The following SNTB1 variants were observed in gnomAD, a reference collection of about 807,000 sequenced individuals.
SNTB1 encodes beta-1-syntrophin.
Under a neutral mutation model 48.9 loss-of-function variants are expected in SNTB1, and 36 were observed. The observed-to-expected ratio is 0.74, with a 90% confidence interval of 0.56 to 0.97. The LOEUF (loss-of-function observed/expected upper bound fraction) is 0.97. SNTB1 is among the 50% of genes least tolerant of loss of function. The pLI, the probability that SNTB1 is intolerant of heterozygous loss-of-function variation, is 0.00. For missense variants in SNTB1, 786 were observed against 703.4 expected (o/e 1.12, Z -1.33); for synonymous variants, 299 against 294.6 (o/e 1.01, Z -0.15).
At chr8:120,593,325 C>T (rs183150993) in intron 3 of SNTB1, among the ~76,000 whole-genome samples, 1 of 152,320 alleles carries the variant, frequency 6.6e-6, no homozygotes, top group Non-Finnish European at 1.5e-5. Flanking sequence ...GTGGCAGCCT[C>T]GCATGCTCAC....
chr8:120,800,179 G>C (rs953056405), intron 1 of SNTB1, among the ~76,000 whole-genome samples: 1 of 152,042 alleles, frequency 6.6e-6, no homozygotes, highest in Non-Finnish European at 1.5e-5. Context: ...CATAGGTTAA[G>C]AGTCATGGCT....
At chr8:120,560,890 T>C (rs138342169) in intron 4 of SNTB1, among the ~76,000 whole-genome samples, 64 of 152,338 alleles carry the variant, frequency 4.2e-4, no homozygotes, top group African/African-American at 4.6e-4. Flanking sequence ...CATGGTTCTA[T>C]TGCAGTGAAA....
chr8:120,770,359 CCT>C (rs1819600239), intron 1 of SNTB1, among the ~76,000 whole-genome samples: 1 of 152,058 alleles, frequency 6.6e-6, no homozygotes. Context: ...ACGACATCCA[CCT>C]CTCTCCTTAA....
chr8:120,650,161 G>A (rs1290334319), intron 2 of SNTB1, among the ~76,000 whole-genome samples: 1 of 152,202 alleles, frequency 6.6e-6, no homozygotes, highest in Non-Finnish European at 1.5e-5. Flanking sequence ...GTAGACCGGA[G>A]CTGTTCCTAT....
chr8:120,719,386 C>T (rs1032283456), intron 1 of SNTB1, among the ~76,000 whole-genome samples: 4 of 152,284 alleles, frequency 2.6e-5, no homozygotes, highest in Admixed American at 2.6e-4. Flanking sequence ...CTTGGACTGG[C>T]TTCCTTGCTC....
At chr8:120,804,844 A>T (rs1043587007) in intron 1 of SNTB1, among the ~76,000 whole-genome samples, 1 of 152,042 alleles carries the variant, frequency 6.6e-6, no homozygotes, top group African/African-American at 2.4e-5. Context: ...ACTCTTTCTT[A>T]GGCTACCTGA....
At chr8:120,739,301 T>G (rs920516427) in intron 1 of SNTB1, among the ~76,000 whole-genome samples, 2 of 152,062 alleles carry the variant, frequency 1.3e-5, no homozygotes, top group Non-Finnish European at 2.9e-5. Flanking sequence ...AAGGGCCCAG[T>G]AGGGTTGTGA....
At chr8:120,678,809 T>C (rs1380494375) in intron 2 of SNTB1, among the ~76,000 whole-genome samples, 2 of 152,162 alleles carry the variant, frequency 1.3e-5, no homozygotes, top group Non-Finnish European at 2.9e-5. Flanking sequence ...TATTTGCCAC[T>C]CTTTGCCTTG....
At chr8:120,569,585 G>A (rs569025215) in intron 4 of SNTB1, among the ~76,000 whole-genome samples, 22 of 152,182 alleles carry the variant, frequency 1.4e-4, no homozygotes, top group Non-Finnish European at 2.5e-4. Context: ...CATCCCTCCA[G>A]GCAGCCTCAG....
chr8:120,721,877 T>TCCCCC (rs11298139), intron 1 of SNTB1, among the ~76,000 whole-genome samples: 1 of 142,186 alleles, frequency 7.0e-6, no homozygotes, highest in Non-Finnish European at 1.5e-5. Flanking sequence ...CCCAATGCTA[T>TCCCCC]CCCCTCCCCC....
intron 3 of SNTB1, among the ~76,000 whole-genome samples, chr8:120,628,021 G>A (rs1021228422): frequency 2.0e-5 from 3 of 152,164 alleles, no homozygotes; most frequent in African/African-American, 4.8e-5. Flanking sequence ...ACACCATGGG[G>A]AGGCACAACT....
At chr8:120,810,443 G>C (rs1301413926) in intron 1 of SNTB1, among the ~76,000 whole-genome samples, 4 of 152,196 alleles carry the variant, frequency 2.6e-5, no homozygotes, top group Non-Finnish European at 4.4e-5. Flanking sequence ...GATCTCAAGA[G>C]AGAGAGTAGT....
chr8:120,770,560 C>A (rs1819607167), intron 1 of SNTB1, among the ~76,000 whole-genome samples: 1 of 152,090 alleles, frequency 6.6e-6, no homozygotes, highest in African/African-American at 2.4e-5. Context: ...ACCTGTAATC[C>A]CAGCACTTTG....
At chr8:120,564,769 C>T (rs915884966) in intron 4 of SNTB1, among the ~76,000 whole-genome samples, 1 of 151,732 alleles carries the variant, frequency 6.6e-6, no homozygotes, top group Non-Finnish European at 1.5e-5. Flanking sequence ...TGGGGTTTCA[C>T]CACGTTGGTC....
intron 2 of SNTB1, among the ~76,000 whole-genome samples, chr8:120,673,390 A>T (rs1817787050): frequency 6.6e-6 from 1 of 151,340 alleles, no homozygotes; most frequent in South Asian, 2.1e-4. Flanking sequence ...TCCTGGGTTC[A>T]AGCGGTTCTC....
intron 2 of SNTB1, among the ~76,000 whole-genome samples, chr8:120,687,864 T>A (rs984421695): frequency 1.3e-5 from 2 of 152,190 alleles, no homozygotes; most frequent in African/African-American, 4.8e-5. Context: ...TTAATGTGAG[T>A]CAACCCCTTA....
chr8:120,551,688 T>A (rs1815482731), intron 4 of SNTB1, among the ~76,000 whole-genome samples: 1 of 132,264 alleles, frequency 7.6e-6, no homozygotes, highest in South Asian at 2.3e-4. Context: ...ATCGCACCAC[T>A]GCACTCCAGC....
chr8:120,697,660 A>G (rs928071415), intron 1 of SNTB1, among the ~76,000 whole-genome samples: 34 of 152,356 alleles, frequency 2.2e-4, no homozygotes, highest in African/African-American at 7.9e-4. Context: ...TGCAATGAGC[A>G]GGCATAAAAA....
At chr8:120,810,322 G>C (rs1276844600) in intron 1 of SNTB1, among the ~76,000 whole-genome samples, 1 of 152,176 alleles carries the variant, frequency 6.6e-6, no homozygotes, top group Non-Finnish European at 1.5e-5. Flanking sequence ...GGAGAATTCA[G>C]TTTACTACCA....
Sources: gnomAD v4.1 joint callset for allele counts (sites outside exome capture counted in the v4.1 genomes callset) on GRCh38, gnomAD v4.1.1 for gene constraint, MANE v1.5 for transcripts, NCBI Gene and HGNC (gene_info 2026-07-23, HGNC 2026-07-21) for gene names.